MGAT5: variants seen among roughly 807,000 people sequenced by gnomAD.
MGAT5 encodes alpha-1,6-mannosylglycoprotein 6-beta-N-acetylglucosaminyltransferase.
MGAT5 carries 30 observed loss-of-function variants against 94.3 expected under a neutral mutation model. The ratio of observed to expected loss-of-function variants is 0.32; its 90% CI spans 0.24 to 0.43. The LOEUF is 0.43. Ranked by LOEUF, MGAT5 falls within the 20% of genes least tolerant of loss-of-function variation. The probability of loss-of-function intolerance (pLI) is 1.00; values close to 1 mark genes in which losing one functional copy is unlikely to be tolerated. For missense variants in MGAT5, 691 were observed against 905.5 expected (o/e 0.76, Z 3.04); for synonymous variants, 310 against 322.9 (o/e 0.96, Z 0.43).
At chr2:134,445,500 C>G (rs1685723981) in intron 15 of MGAT5, among the ~76,000 whole-genome samples, 1 of 152,084 alleles carries the variant, frequency 6.6e-6, no homozygotes, top group Non-Finnish European at 1.5e-5. Context: ...GCCTCCTGTC[C>G]AGCGCATCCT....
intron 1 of MGAT5, among the ~76,000 whole-genome samples, chr2:134,264,024 T>G (rs1234325088): frequency 2.1e-5 from 3 of 142,886 alleles, no homozygotes; most frequent in East Asian, 2.1e-4. Flanking sequence ...TAGGTTTTTT[T>G]TTTTTTTTTT....
intron 2 of MGAT5, among the ~76,000 whole-genome samples, chr2:134,272,019 C>G (rs944722828): frequency 6.6e-6 from 1 of 152,200 alleles, no homozygotes; most frequent in Non-Finnish European, 1.5e-5. Context: ...CCTCTGAAGT[C>G]CTGTGGCTTG....
intron 4 of MGAT5, among the ~76,000 whole-genome samples, chr2:134,333,272 A>C (rs1391360682): frequency 6.6e-6 from 1 of 152,152 alleles, no homozygotes; most frequent in South Asian, 2.1e-4. Context: ...TGATGAGTTC[A>C]TGTCCTTTGT....
chr2:134,336,228 G>T lies in MGAT5; in HGVS notation c.585G>T (p.Trp195Cys). The change falls in exon 5 of 16, where the codon TGG becomes TGT. Residue 195 changes from tryptophan to cysteine, a missense_variant. By Grantham distance (215) the Trp-to-Cys change is radical (BLOSUM62 -2). Transcript: ENST00000281923. ...CTGATGCTTTTTAGGTTGAAAATTG[G>T]TGTCCTCATTTACCTTGGAGAGCAA... ...FFIYLSEVEN[W>C]CPHLPWRAKN... 4 of 1,612,212 alleles carry T rather than the reference G, an allele frequency of 2.5e-6. No homozygotes were observed. Among genetic ancestry groups the T allele is most frequent in the Non-Finnish European group, 3.4e-6 (4 of 1,179,046 alleles).
rs563661220 is a variant in MGAT5, at chr2:134,386,107, G to C, written c.1381-16881G>C. The stretch of plus-strand genomic sequence containing the variant: ...AAGGTGTCAGGGTAAAAATTTTGAT[G>C]CAGAGTAAAATAATGTGTTATTTTA... On this transcript the variant is annotated intron_variant, in intron 10 of 15. Transcript: ENST00000281923. Among the ~76,000 whole-genome samples, 3 of 152,292 alleles carry C rather than the reference G, an allele frequency of 2.0e-5. No individual in the cohort carries two copies. The South Asian group carries it at 6.2e-4, about 32-fold the overall frequency.
rs138918113 is a variant in MGAT5 at position 134,338,309 on chromosome 2, T to C, written c.696T>C (p.His232=). 1 of 1,613,104 alleles carries C rather than the reference T, an allele frequency of 6.2e-7. No homozygotes were observed. The highest frequency in any genetic ancestry group is 1.3e-5 in the African/African-American group (1 of 74,878). Residue 232 remains histidine, a synonymous_variant, in exon 6 of 16, where the codon CAT becomes CAC. Coordinates refer to ENST00000281923, the MANE Select transcript of MGAT5 (RefSeq NM_002410.5). ...FNILYSMMKK[H]EEFRWMRLRI... ...TTCTCTACAGTATGATGAAAAAGCA[T>C]GAAGAATTCCGGTGGATGAGACTAC...
At chr2:134,311,426 A>G (rs923300613) in intron 2 of MGAT5, among the ~76,000 whole-genome samples, 1 of 152,130 alleles carries the variant, frequency 6.6e-6, no homozygotes, top group Admixed American at 6.5e-5. Flanking sequence ...TGCTATATAG[A>G]ATTAGTGTAT....
chr2:134,448,409 C>G (rs1685914712), intron 15 of MGAT5, among the ~76,000 whole-genome samples: 1 of 152,222 alleles, frequency 6.6e-6, no homozygotes, highest in Non-Finnish European at 1.5e-5. Flanking sequence ...CAAAGCTTCA[C>G]TAGGCAGCCT....
At chr2:134,325,477 G>A (rs967594843) in intron 4 of MGAT5, among the ~76,000 whole-genome samples, 1 of 152,012 alleles carries the variant, frequency 6.6e-6, no homozygotes, top group African/African-American at 2.4e-5. Flanking sequence ...TCCATAGCCG[G>A]TCTCATTTCA....
intron 4 of MGAT5, among the ~76,000 whole-genome samples, chr2:134,325,859 T>C (rs1687610138): frequency 1.3e-5 from 2 of 152,130 alleles, no homozygotes; most frequent in Non-Finnish European, 2.9e-5. Flanking sequence ...TTACTCTGAA[T>C]TTTGGTTACA....
intron 1 of MGAT5, among the ~76,000 whole-genome samples, chr2:134,161,171 A>G (rs1322802175): frequency 1.3e-5 from 2 of 152,202 alleles, no homozygotes; most frequent in East Asian, 3.8e-4. Context: ...CGTTGTCACC[A>G]TGGATTCCAA....
At chr2:134,187,209 G>T (rs1336368692) in intron 1 of MGAT5, among the ~76,000 whole-genome samples, 3 of 152,182 alleles carry the variant, frequency 2.0e-5, no homozygotes, top group Non-Finnish European at 2.9e-5. Flanking sequence ...ATGGACGTGT[G>T]TGAAGAATTT....
chr2:134,253,625 T>C (rs1406121408), upstream of MGAT5, among the ~76,000 whole-genome samples: 2 of 152,218 alleles, frequency 1.3e-5, no homozygotes, highest in Non-Finnish European at 2.9e-5. Context: ...CTCATGTAGC[T>C]GGGAAAGCAA....
intron 2 of MGAT5, among the ~76,000 whole-genome samples, chr2:134,285,419 A>G (rs1440004635): frequency 1.3e-5 from 2 of 152,138 alleles, no homozygotes; most frequent in African/African-American, 4.8e-5. Flanking sequence ...TTTTTCTACT[A>G]CAAAGATCAT....
At chr2:134,428,525 C>T in intron 14 of MGAT5, 86 bp downstream of exon 14, 2 of 1,187,282 alleles carry the variant, frequency 1.7e-6, no homozygotes, top group Admixed American at 1.8e-5. Flanking sequence ...TAAGAGCTCA[C>T]TGTGTTTCTG....
rs1553490380 is a variant in MGAT5 at position 134,189,602 on chromosome 2, G to GTTTTGTTTTCTTTTTT, written c.-142-64656_-142-64655insGTTTTCTTTTTTTTTT. On this transcript the variant is annotated intron_variant, in intron 1 of 16. Transcript: ENST00000409645. ...AACCTCATGGCTCTAGTTTTTTTTT[G>GTTTTGTTTTCTTTTTT]TTTTTTTTTTTTTTTTTTAAGACAG... Among the ~76,000 whole-genome samples, 2 of 84,672 alleles carry GTTTTGTTTTCTTTTTT rather than the reference G, an allele frequency of 2.4e-5. 1 individual carries two copies. The highest frequency in any genetic ancestry group is 9.5e-5 in the African/African-American group (2 of 20,984). 55.5% of individuals were successfully genotyped at this position (84,672 alleles called of 152,430 possible).
upstream of MGAT5, among the ~76,000 whole-genome samples, chr2:134,252,670 T>A (rs1265964608): frequency 1.3e-5 from 2 of 150,458 alleles, no homozygotes. Context: ...ATTGAGAGGT[T>A]GGCAAACCTT....
intron 11 of MGAT5, among the ~76,000 whole-genome samples, chr2:134,404,830 G>A (rs1286231224): frequency 6.6e-6 from 1 of 152,204 alleles, no homozygotes; most frequent in South Asian, 2.1e-4. Context: ...AGTGAAGTGT[G>A]TTCTCTAGTT....
rs141858396 is a variant in MGAT5, at chr2:134,246,990, T to C, written c.-142-7272T>C. Among the ~76,000 whole-genome samples, 41 of 152,290 alleles carry C rather than the reference T, an allele frequency of 2.7e-4. No individual in the cohort carries two copies. The East Asian group carries it at 5.8e-3, about 21-fold the overall frequency. On this transcript the variant is annotated intron_variant, in intron 1 of 16. Coordinates refer to the MGAT5 transcript ENST00000409645. Reference sequence around the variant, plus strand: ...CTGTGGTGAGCACAAAACCAGGAGTTTGGTAAGAGGTTGTGCAGTCAATGC... The same window carrying C: ...CTGTGGTGAGCACAAAACCAGGAGTCTGGTAAGAGGTTGTGCAGTCAATGC...
Sources: allele counts gnomAD v4.1 joint callset (sites outside exome capture counted in the v4.1 genomes callset), GRCh38; gene constraint gnomAD v4.1.1; transcripts MANE v1.5; gene names NCBI Gene and HGNC (gene_info 2026-07-23, HGNC 2026-07-21).